KSR2: variants seen among roughly 807,000 people sequenced by gnomAD.
KSR2 encodes the protein kinase suppressor of ras 2.
A neutral mutation model predicts 107.8 loss-of-function variants in KSR2; 25 were observed. The ratio of observed to expected loss-of-function variants is 0.23; its 90% CI spans 0.17 to 0.32. KSR2 has a LOEUF of 0.32. Ranked by LOEUF, KSR2 falls within the 10% of genes least tolerant of loss-of-function variation. The pLI is 1.00. For synonymous variants in KSR2, 480 were observed against 507.0 expected (o/e 0.95, Z 0.71); for missense variants, 887 against 1,268.9 (o/e 0.70, Z 4.57).
intron 1 of KSR2, among the ~76,000 whole-genome samples, chr12:117,945,530 C>T (rs1896154831): frequency 6.6e-6 from 1 of 152,012 alleles, no homozygotes; most frequent in African/African-American, 2.4e-5. Flanking sequence ...ATTAGCCGGA[C>T]GTGGTGGCGG....
At chr12:117,761,652 T>C (rs1889029230) in intron 3 of KSR2, 128 bp from the exon 4 acceptor site, 1 of 844,564 alleles carries the variant, frequency 1.2e-6, no homozygotes, top group Non-Finnish European at 1.9e-6. Context: ...CATGTTACAC[T>C]ATATACCTGT....
chr12:117,480,021 C>CGTGTGT (rs1565865803), intron 16 of KSR2, among the ~76,000 whole-genome samples: 1 of 108,924 alleles, frequency 9.2e-6, no homozygotes, highest in African/African-American at 3.4e-5. Flanking sequence ...AATCATTACA[C>CGTGTGT]ATGTGTATGT....
intron 9 of KSR2, among the ~76,000 whole-genome samples, chr12:117,554,480 A>G (rs1877521050): frequency 6.6e-6 from 1 of 152,154 alleles, no homozygotes; most frequent in Admixed American, 6.5e-5. Context: ...AGATGGTGTT[A>G]TGGTTTGGCT....
In KSR2 at chr12:117,467,930, T is replaced by C. The variant is rs1871240035; in HGVS notation, c.2847-725A>G. 2.8e-5 allele frequency: 10 copies of C among 363,364 alleles called. No individual in the cohort carries two copies. In the Admixed American group the frequency reaches 3.2e-4, roughly 12 times the overall value. 22.5% of individuals were successfully genotyped at this position (363,364 alleles called of 1,614,324 possible). On this transcript the variant is annotated intron_variant, in intron 19 of 19. Transcript: ENST00000339824. The stretch of plus-strand genomic sequence containing the variant: ...GACCACAGTCCTGTGTTTTTTTTTT[T>C]TTTTTCCAGCCCAACTCCACAATAA...
intron 4 of KSR2, among the ~76,000 whole-genome samples, chr12:117,760,521 A>G (rs1219973753): frequency 6.6e-6 from 1 of 152,166 alleles, no homozygotes; most frequent in Non-Finnish European, 1.5e-5. Context: ...GTTCCTTTTC[A>G]TTCTTTTTAA....
chr12:117,855,456 G>A lies in KSR2; in HGVS notation c.444C>T (p.Leu148=), dbSNP rs1317167282. The A allele has an allele frequency of 6.2e-7, 1 of 1,614,054 alleles. No individual in the cohort carries two copies. Among genetic ancestry groups the A allele is most frequent in the South Asian group, 1.1e-5 (1 of 91,088 alleles). ...REECARLNAS[L]SCLRNVHMSG... ...ACATGTGGACATTCCTGAGGCAGGA[G>A]AGGGAGGCGTTGAGGCGGGCACACT... The change falls in exon 3 of 20, where the codon CTC becomes CTT. Residue 148 remains leucine, a synonymous_variant. Coordinates refer to ENST00000339824, the MANE Select transcript of KSR2 (RefSeq NM_173598.6).
intron 3 of KSR2, among the ~76,000 whole-genome samples, chr12:117,799,175 ATACT>A (rs1566021739): frequency 1.3e-5 from 2 of 152,224 alleles, no homozygotes; most frequent in Non-Finnish European, 2.9e-5. Context: ...AACATTGTAA[ATACT>A]TAATGCCACT....
chr12:117,647,571 C>T (rs1373145703), intron 5 of KSR2, among the ~76,000 whole-genome samples: 2 of 152,080 alleles, frequency 1.3e-5, no homozygotes, highest in Admixed American at 6.5e-5. Flanking sequence ...GAGGTAAATC[C>T]CCAAGGTGAA....
At chr12:117,614,143 GTGA>G (rs1274115069) in intron 5 of KSR2, among the ~76,000 whole-genome samples, 2 of 152,190 alleles carry the variant, frequency 1.3e-5, no homozygotes, top group Non-Finnish European at 2.9e-5. Flanking sequence ...ATAGTGGTAG[GTGA>G]TAATAAGCAA....
In KSR2 at chr12:117,529,853, T is replaced by TA. The variant is rs369396534; in HGVS notation, c.1802+1087dup. ...CCCTGTCTCTACAAAAATAAAAAATTAAAAAAAAAATACAAAAATTAGTTG... is the reference window on the plus strand; with the variant it reads ...CCCTGTCTCTACAAAAATAAAAAATTAAAAAAAAAAATACAAAAATTAGTTG... On this transcript the variant is annotated intron_variant, in intron 12 of 19. Coordinates refer to ENST00000339824, the MANE Select transcript of KSR2 (RefSeq NM_173598.6). Among the ~76,000 whole-genome samples the TA allele has an allele frequency of 5.3e-4, 79 of 147,862 alleles. 1 individual carries two copies. The East Asian group carries it at 7.4e-3, about 14-fold the overall frequency.
In KSR2 at chr12:117,582,367, G is replaced by A; in HGVS notation, c.1172-8C>T. 6.2e-7 allele frequency: 1 copy of A among 1,612,002 alleles called. No homozygotes were observed. The highest frequency in any genetic ancestry group is 8.5e-7 in the Non-Finnish European group (1 of 1,178,328). The stretch of plus-strand genomic sequence containing the variant: ...GTGGCACTGACAGTGTGTCTACAGA[G>A]AGAAGAGAACAGCCTGTTACACAGA... On this transcript the variant is annotated splice_polypyrimidine_tract_variant and splice_region_variant and intron_variant, in intron 5 of 19. Transcript: ENST00000339824.
At chr12:117,945,722 C>T (rs959890465) in intron 1 of KSR2, among the ~76,000 whole-genome samples, 1 of 151,984 alleles carries the variant, frequency 6.6e-6, no homozygotes. Flanking sequence ...ACTAGAGGAG[C>T]GATGTCAGCA....
At chr12:117,699,360 C>A (rs763911633) in intron 4 of KSR2, among the ~76,000 whole-genome samples, 1 of 152,146 alleles carries the variant, frequency 6.6e-6, no homozygotes, top group African/African-American at 2.4e-5. Context: ...AGTACTCATG[C>A]GTCACTTAAT....
intron 3 of KSR2, among the ~76,000 whole-genome samples, chr12:117,832,392 C>G (rs1892009032): frequency 1.3e-5 from 2 of 152,220 alleles, no homozygotes; most frequent in Non-Finnish European, 2.9e-5. Flanking sequence ...AAATTCCCCC[C>G]TCTTCTTTGC....
chr12:117,926,602 C>T (rs1895526779), intron 1 of KSR2, among the ~76,000 whole-genome samples: 2 of 152,252 alleles, frequency 1.3e-5, no homozygotes, highest in African/African-American at 4.8e-5. Context: ...GATCCATTCT[C>T]CTTGTCATAT....
intron 4 of KSR2, among the ~76,000 whole-genome samples, chr12:117,735,144 G>A (rs1887892495): frequency 6.6e-6 from 1 of 152,186 alleles, no homozygotes; most frequent in African/African-American, 2.4e-5. Context: ...CCACCCAGGG[G>A]CCAAAGCACA....
chr12:117,597,808 T>A (rs1880731369), intron 5 of KSR2, among the ~76,000 whole-genome samples: 1 of 152,186 alleles, frequency 6.6e-6, no homozygotes. Context: ...ACTTCCCAAC[T>A]CTTTCAAATA....
At chr12:117,672,854 A>C (rs1884970143) in intron 4 of KSR2, among the ~76,000 whole-genome samples, 1 of 152,172 alleles carries the variant, frequency 6.6e-6, no homozygotes, top group South Asian at 2.1e-4. Flanking sequence ...TGAACTCCTG[A>C]CCTTGTGATC....
intron 4 of KSR2, among the ~76,000 whole-genome samples, chr12:117,713,350 G>GTAGA (rs747209731): frequency 6.6e-6 from 1 of 150,516 alleles, no homozygotes; most frequent in Non-Finnish European, 1.5e-5. Flanking sequence ...TAAGTAGACA[G>GTAGA]TAGATAGATA....
Sources: allele counts gnomAD v4.1 joint callset (sites outside exome capture counted in the v4.1 genomes callset), GRCh38; gene constraint gnomAD v4.1.1; transcripts MANE v1.5; gene names NCBI Gene and HGNC (gene_info 2026-07-23, HGNC 2026-07-21).